Variants in CUEDC1 observed in about 807,000 individuals in gnomAD.
CUEDC1 encodes CUE domain-containing protein 1.
CUEDC1 carries 30 observed loss-of-function variants against 43.7 expected under a neutral mutation model. The observed-to-expected ratio is 0.69, with a 90% confidence interval of 0.51 to 0.93. The LOEUF is 0.93. CUEDC1 is among the 40% of genes least tolerant of loss of function. The pLI is 0.00. For missense variants in CUEDC1, 486 were observed against 549.0 expected (o/e 0.89, Z 1.15); for synonymous variants, 223 against 223.6 (o/e 1.00, Z 0.02).
At chr17:57,935,378 G>GACACACACACACACAC (rs146002407) in intron 1 of CUEDC1, among the ~76,000 whole-genome samples, 6 of 142,176 alleles carry the variant, frequency 4.2e-5, no homozygotes, top group Admixed American at 2.1e-4. Flanking sequence ...CCTTCCATTA[G>GACACACACACACACAC]ACACACACAC....
At position 57,872,791 on chromosome 17, in the gene CUEDC1, CCT is replaced by C; in HGVS notation, c.654_655del (p.Gly219AlafsTer53). 1 of 1,614,236 alleles carries C rather than the reference CCT, an allele frequency of 6.2e-7. No individual in the cohort carries two copies. Among genetic ancestry groups the C allele is most frequent in the Non-Finnish European group, 8.5e-7 (1 of 1,180,044 alleles). On this transcript the variant is annotated frameshift_variant, in exon 5 of 11. Coordinates refer to ENST00000577830, the MANE Select transcript of CUEDC1 (RefSeq NM_001271875.2). LOFTEE classifies it high-confidence loss of function. ...CCAGCGGCTCTCCTGGTCTCCGGGC[CCT>C]GGCCCAGCCATGGCAGGTGGACATC...
chr17:57,902,350 T>C (rs576903258), intron 1 of CUEDC1, among the ~76,000 whole-genome samples: 50 of 152,262 alleles, frequency 3.3e-4, no homozygotes, highest in African/African-American at 1.2e-3. Flanking sequence ...CGATGATACA[T>C]TCAGGTAGTG....
At chr17:57,891,059 C>G (rs2074349871) in intron 1 of CUEDC1, among the ~76,000 whole-genome samples, 1 of 152,192 alleles carries the variant, frequency 6.6e-6, no homozygotes, top group African/African-American at 2.4e-5. Context: ...TAGACTCACT[C>G]CCTGAGCAAT....
intron 1 of CUEDC1, among the ~76,000 whole-genome samples, chr17:57,893,855 G>C (rs1237735777): frequency 6.6e-6 from 1 of 152,212 alleles, no homozygotes; most frequent in Non-Finnish European, 1.5e-5. Flanking sequence ...CAGCACTTTG[G>C]GAGGCCAAGG....
chr17:57,915,574 C>T (rs932435627), intron 1 of CUEDC1, among the ~76,000 whole-genome samples: 1 of 152,158 alleles, frequency 6.6e-6, no homozygotes, highest in African/African-American at 2.4e-5. Context: ...TTGGATGATG[C>T]AGTTTATCAA....
At chr17:57,888,851 T>C (rs918861161) in intron 1 of CUEDC1, among the ~76,000 whole-genome samples, 1 of 152,184 alleles carries the variant, frequency 6.6e-6, no homozygotes, top group Non-Finnish European at 1.5e-5. Flanking sequence ...TCCAGTAATT[T>C]ACTAACAGAG....
chr17:57,925,504 A>G (rs1264639490), intron 1 of CUEDC1, among the ~76,000 whole-genome samples: 1 of 148,610 alleles, frequency 6.7e-6, no homozygotes, highest in Admixed American at 6.6e-5. Context: ...AGTGCTCTAA[A>G]GAAGTTTGGC....
chr17:57,883,738 CA>C (rs1324123292), intron 2 of CUEDC1, among the ~76,000 whole-genome samples: 2 of 151,954 alleles, frequency 1.3e-5, no homozygotes, highest in African/African-American at 4.8e-5. Context: ...AACAAAAAAA[CA>C]AACAAAAAAA....
At chr17:57,868,083 A>T in intron 8 of CUEDC1, 67 bp downstream of exon 8, 1 of 1,346,282 alleles carries the variant, frequency 7.4e-7, no homozygotes, top group Non-Finnish European at 1.1e-6. Context: ...CAGGGAGTCC[A>T]ACAGGGGTCT....
intron 1 of CUEDC1, among the ~76,000 whole-genome samples, chr17:57,896,833 T>C (rs2074416307): frequency 3.4e-5 from 5 of 148,740 alleles, no homozygotes; most frequent in Admixed American, 2.7e-4. Flanking sequence ...TGCAGTGATG[T>C]GATCTCAGCT....
intron 2 of CUEDC1, among the ~76,000 whole-genome samples, chr17:57,882,992 C>T (rs2074235706): frequency 6.6e-6 from 1 of 152,106 alleles, no homozygotes; most frequent in Admixed American, 6.5e-5. Context: ...ATTCACTGCC[C>T]CTAACCCCTG....
intron 1 of CUEDC1, among the ~76,000 whole-genome samples, chr17:57,922,915 G>A (rs1013098946): frequency 5.5e-5 from 8 of 146,252 alleles, no homozygotes; most frequent in South Asian, 2.2e-4. Flanking sequence ...TTGCTCTGTT[G>A]CCCAGGCTGC....
intron 2 of CUEDC1, among the ~76,000 whole-genome samples, chr17:57,881,616 G>A (rs575904856): frequency 6.6e-6 from 1 of 152,208 alleles, no homozygotes; most frequent in African/African-American, 2.4e-5. Flanking sequence ...TGGCTGGCCT[G>A]GGCTATTCCC....
At chr17:57,924,246 C>T (rs778029875) in intron 1 of CUEDC1, among the ~76,000 whole-genome samples, 3 of 152,194 alleles carry the variant, frequency 2.0e-5, no homozygotes, top group East Asian at 1.9e-4. Flanking sequence ...GCTGGGACTA[C>T]GGGCGGACGC....
intron 1 of CUEDC1, among the ~76,000 whole-genome samples, chr17:57,898,113 A>G (rs2074432523): frequency 6.6e-6 from 1 of 152,052 alleles, no homozygotes. Context: ...TCCCAACCCA[A>G]TCCTTCCTGC....
chr17:57,902,341 G>T (rs139932677), intron 1 of CUEDC1, among the ~76,000 whole-genome samples: 1 of 152,232 alleles, frequency 6.6e-6, no homozygotes, highest in African/African-American at 2.4e-5. Context: ...AAAGAGAAAC[G>T]ATGATACATT....
rs374448768 is a variant in CUEDC1 at position 57,896,392 on chromosome 17, G to T, written c.-315-10513C>A. Among the ~76,000 whole-genome samples, 304 of 151,724 alleles carry T rather than the reference G, an allele frequency of 2.0e-3. 15 individuals carry two copies. In the South Asian group the frequency reaches 0.062, roughly 31 times the overall value. Reference sequence around the variant, plus strand: ...ATGCTATTCAATAACAAACAAAAATGAGGGATTTCAATATGTCTCTTTAGC... The same window carrying T: ...ATGCTATTCAATAACAAACAAAAATTAGGGATTTCAATATGTCTCTTTAGC... On this transcript the variant is annotated intron_variant, in intron 1 of 10. Transcript: ENST00000577830.
At chr17:57,905,613 C>T (rs1368890864) in intron 1 of CUEDC1, among the ~76,000 whole-genome samples, 2 of 152,208 alleles carry the variant, frequency 1.3e-5, no homozygotes, top group African/African-American at 2.4e-5. Flanking sequence ...AATGGGGAAC[C>T]ACCCACTTGT....
chr17:57,943,166 G>A (rs1442051122), intron 1 of CUEDC1, among the ~76,000 whole-genome samples: 1 of 152,172 alleles, frequency 6.6e-6, no homozygotes, highest in East Asian at 1.9e-4. Flanking sequence ...GGCTGATGGT[G>A]ACAGTGGCAG....
Sources: allele counts gnomAD v4.1 joint callset (sites outside exome capture counted in the v4.1 genomes callset), GRCh38; gene constraint gnomAD v4.1.1; transcripts MANE v1.5; gene names NCBI Gene and HGNC (gene_info 2026-07-23, HGNC 2026-07-21).